HADHA: variants seen among roughly 807,000 people sequenced by gnomAD.
HADHA encodes the protein hydroxyacyl-CoA dehydrogenase trifunctional multienzyme complex subunit alpha.
In HADHA, 59 loss-of-function variants were observed where a neutral mutation model predicts 91.3. The observed-to-expected ratio is 0.65, with a 90% CI of 0.52 to 0.80. The LOEUF (loss-of-function observed/expected upper bound fraction) is 0.80, where lower values mean the gene tolerates loss of function less well. Among genes scored for constraint, HADHA ranks in the 30% least tolerant of loss-of-function variants. HADHA has a pLI of 0.00. For missense variants in HADHA, 800 were observed against 927.6 expected, an observed-to-expected ratio of 0.86 and a Z score of 1.79; for synonymous variants, 320 against 338.9, an observed-to-expected ratio of 0.94 and a Z score of 0.61.
chr2:26,224,360 C>A (rs1176806357), intron 7 of HADHA, among the ~76,000 whole-genome samples: 3 of 152,218 alleles, frequency 2.0e-5, no homozygotes, highest in Non-Finnish European at 4.4e-5. Context: ...GCTCAGTTCT[C>A]TTTCCACATC....
intron 7 of HADHA, among the ~76,000 whole-genome samples, chr2:26,218,312 A>C (rs1310711206): frequency 1.5e-5 from 2 of 130,252 alleles, no homozygotes; most frequent in Non-Finnish European, 3.3e-5. Flanking sequence ...AAAAAAAAAG[A>C]GAGAGAAAAG....
intron 11 of HADHA, among the ~76,000 whole-genome samples, chr2:26,207,474 C>T (rs1031426946): frequency 6.6e-5 from 10 of 151,866 alleles, no homozygotes; most frequent in African/African-American, 1.7e-4. Flanking sequence ...TGTTATGCTC[C>T]GCTTCATTAA....
Position 26,238,998 on chromosome 2 carries a change from G to T in HADHA, c.116C>A (p.Thr39Asn). ...FTGSSALLTR[T>N]HINYGVKGDV... Reference sequence around the variant, plus strand: ...CCCTTTGACTCCATAGTTAATATGGGTTCTGGCTAAAAAGAAAAGAAAGAT... The same window carrying T: ...CCCTTTGACTCCATAGTTAATATGGTTTCTGGCTAAAAAGAAAAGAAAGAT... Residue 39 changes from threonine (T) to asparagine (N), a missense_variant, in exon 3 of 20, where the codon ACC becomes AAC. Coordinates refer to ENST00000380649, the MANE Select transcript of HADHA (RefSeq NM_000182.5). 1 of 1,602,544 alleles carries T rather than the reference G, an allele frequency of 6.2e-7. No individual in the cohort carries two copies. Among genetic ancestry groups the T allele is most frequent in the Non-Finnish European group, 8.5e-7 (1 of 1,169,772 alleles).
chr2:26,232,379 G>A (rs1574624210), intron 5 of HADHA, 100 bp from the exon 6 acceptor site: 1 of 827,300 alleles, frequency 1.2e-6, no homozygotes, highest in Non-Finnish European at 2.1e-6. Context: ...GCAGGAATGT[G>A]CTCACAGAAT....
At chr2:26,194,466 G>C in intron 16 of HADHA, 104 bp downstream of exon 16, 3 of 790,444 alleles carry the variant, frequency 3.8e-6, no homozygotes, top group Non-Finnish European at 4.5e-6. Context: ...AAGAGCAGGA[G>C]TTGGTGTATC....
At chr2:26,195,045 A>G in intron 15 of HADHA, 47 bp downstream of exon 15, 5 of 1,485,538 alleles carry the variant, frequency 3.4e-6, no homozygotes, top group Non-Finnish European at 3.8e-6. Context: ...AAGGAGTCTT[A>G]TTAGAACTTT....
At chr2:26,232,693 A>C (rs1446548853) in intron 5 of HADHA, among the ~76,000 whole-genome samples, 1 of 152,220 alleles carries the variant, frequency 6.6e-6, no homozygotes, top group Non-Finnish European at 1.5e-5. Context: ...ATTCTGGTTA[A>C]TCAAATTCTG....
chr2:26,202,595 G>T (rs1371709953), intron 12 of HADHA, among the ~76,000 whole-genome samples: 1 of 152,188 alleles, frequency 6.6e-6, no homozygotes, highest in African/African-American at 2.4e-5. Context: ...ACAAAAATCA[G>T]CTGTGCATGG....
At chr2:26,223,582 G>A (rs577623882) in intron 7 of HADHA, among the ~76,000 whole-genome samples, 9 of 152,332 alleles carry the variant, frequency 5.9e-5, no homozygotes, top group Middle Eastern at 3.4e-3. Flanking sequence ...GGGAGCTGCA[G>A]TCAAGGACTT....
chr2:26,224,917 GTA>G (rs1198164551), intron 7 of HADHA, among the ~76,000 whole-genome samples: 2 of 152,160 alleles, frequency 1.3e-5, no homozygotes, highest in Non-Finnish European at 2.9e-5. Context: ...GGAGACATCA[GTA>G]TAGAGTATAA....
chr2:26,230,283 A>T lies in HADHA; in HGVS notation c.585T>A (p.Pro195=), dbSNP rs202034466. The change falls in exon 7 of 20, where the codon CCT becomes CCA. Residue 195 remains proline (P), a synonymous_variant. Transcript: ENST00000380649. ...TQRLPKMVGV[P]AALDMMLTGR... ...CAGTCAGCATCATGTCCAAAGCAGC[A>T]GGCACACCCACCTAACAGGCAAGCA... 4.2e-5 allele frequency: 68 copies of T among 1,611,066 alleles called. No homozygotes were observed. The East Asian group carries it at 1.4e-3, about 33-fold the overall frequency.
intron 1 of HADHA, among the ~76,000 whole-genome samples, 153 bp from the exon 2 acceptor site, chr2:26,239,296 C>T (rs1005678853): frequency 6.6e-6 from 1 of 152,110 alleles, no homozygotes; most frequent in Non-Finnish European, 1.5e-5. Context: ...CATATTTTTT[C>T]CATTTCAGTT....
At chr2:26,219,361 C>T (rs1475576193) in intron 7 of HADHA, among the ~76,000 whole-genome samples, 1 of 152,070 alleles carries the variant, frequency 6.6e-6, no homozygotes, top group Admixed American at 6.6e-5. Flanking sequence ...CTCCTGACCT[C>T]GTGATTTGTC....
At chr2:26,208,464 T>A (rs1035178370) in intron 11 of HADHA, among the ~76,000 whole-genome samples, 6 of 152,140 alleles carry the variant, frequency 3.9e-5, no homozygotes, top group Non-Finnish European at 7.4e-5. Flanking sequence ...CTAGGTTTTT[T>A]AATTTAAGAG....
Position 26,191,587 on chromosome 2 carries a change from A to G in HADHA, c.2042T>C (p.Phe681Ser), listed in dbSNP as rs756964298. The change falls in exon 19 of 20, where the codon TTT becomes TCT. Residue 681 changes from phenylalanine to serine, a missense_variant. By Grantham distance (155) the Phe-to-Ser change is radical. Transcript: ENST00000380649. The part of the protein sequence containing the change: ...EDIQFRLVTR[F>S]VNEAVMCLQE... ...CAGGCACATGACTGCCTCATTCACA[A>G]ATCTTGTCACCAGGCGGAACTGGAT... is the stretch of plus-strand genomic sequence containing the variant. 9.9e-6 allele frequency: 16 copies of G among 1,613,970 alleles called. No individual in the cohort carries two copies. In the South Asian group the frequency reaches 1.8e-4, roughly 18 times the overall value.
At chr2:26,192,160 C>A in intron 18 of HADHA, 150 bp downstream of exon 18, 1 of 621,910 alleles carries the variant, frequency 1.6e-6, no homozygotes, top group East Asian at 2.7e-5. Context: ...GAAGACAGCA[C>A]CATGGCACGT....
chr2:26,197,595 G>A (rs749549423), intron 14 of HADHA, 96 bp downstream of exon 14: 90 of 768,590 alleles, frequency 1.2e-4, no homozygotes, highest in Non-Finnish European at 1.8e-4. Context: ...CATCCACTCC[G>A]TAATCCACTG....
Position 26,197,722 on chromosome 2 carries a change from T to C in HADHA, c.1448A>G (p.Glu483Gly). 6.5e-7 allele frequency: 1 copy of C among 1,549,796 alleles called. No individual in the cohort carries two copies. The highest frequency in any genetic ancestry group is 8.9e-7 in the Non-Finnish European group (1 of 1,121,132). Reference sequence around the variant, plus strand: ...AGGTCTTTTGCTGACAGCAGCGATTTCACTGATTGGGAGAGCAGATGTGTT... The same window carrying C: ...AGGTCTTTTGCTGACAGCAGCGATTCCACTGATTGGGAGAGCAGATGTGTT... ...ASNTSALPIS[E>G]IAAVSKRPEK... The change falls in exon 14 of 20, where the codon GAA becomes GGA. Residue 483 changes from glutamate (E) to glycine (G), a missense_variant. Glu to Gly is a moderately conservative substitution (Grantham distance 98). Transcript: ENST00000380649.
At chr2:26,242,749 A>G (rs1670928822) in intron 1 of HADHA, among the ~76,000 whole-genome samples, 1 of 152,172 alleles carries the variant, frequency 6.6e-6, no homozygotes, top group African/African-American at 2.4e-5. Context: ...TCAGACTCCA[A>G]ACAATGTTTT....
Sources: allele counts gnomAD v4.1 joint callset (sites outside exome capture counted in the v4.1 genomes callset), GRCh38; gene constraint gnomAD v4.1.1; transcripts MANE v1.5; gene names NCBI Gene and HGNC (gene_info 2026-07-23, HGNC 2026-07-21).